The following PDE4B variants were observed in gnomAD, a reference collection of about 807,000 sequenced individuals.
The protein encoded by PDE4B is 3',5'-cyclic-AMP phosphodiesterase 4B.
In PDE4B, 20 loss-of-function variants were observed where a neutral mutation model predicts 82.2. The ratio of observed to expected loss-of-function variants is 0.24; its 90% CI spans 0.17 to 0.35. The LOEUF is 0.35. Among genes scored for constraint, PDE4B ranks in the 10% least tolerant of loss-of-function variants. PDE4B has a pLI of 1.00. For missense variants in PDE4B, 655 were observed against 907.2 expected (o/e 0.72, Z 3.57); for synonymous variants, 320 against 318.9 (o/e 1.00, Z -0.04).
At chr1:66,044,667 T>C (rs1426127941) in intron 3 of PDE4B, among the ~76,000 whole-genome samples, 10 of 151,834 alleles carry the variant, frequency 6.6e-5, no homozygotes, top group Admixed American at 1.3e-4. Flanking sequence ...TGTATTATAT[T>C]TCTTTTGTGC....
intron 3 of PDE4B, among the ~76,000 whole-genome samples, chr1:65,952,527 A>G (rs946426963): frequency 2.6e-5 from 4 of 151,972 alleles, no homozygotes; most frequent in African/African-American, 9.7e-5. Context: ...CTGAAAAAAT[A>G]CAAAAATTAG....
intron 3 of PDE4B, among the ~76,000 whole-genome samples, chr1:66,218,532 C>G (rs1377802879): frequency 6.6e-6 from 1 of 152,106 alleles, no homozygotes; most frequent in East Asian, 1.9e-4. Flanking sequence ...CCTTAATGAT[C>G]TCATTTCATT....
intron 3 of PDE4B, among the ~76,000 whole-genome samples, chr1:66,099,274 C>G (rs1645175382): frequency 6.6e-6 from 1 of 152,128 alleles, no homozygotes; most frequent in African/African-American, 2.4e-5. Flanking sequence ...CAGCTCCATC[C>G]ATGTTCCTAC....
intron 1 of PDE4B, among the ~76,000 whole-genome samples, chr1:65,892,212 T>A (rs745363588): frequency 1.1e-4 from 17 of 152,086 alleles, no homozygotes; most frequent in Non-Finnish European, 2.1e-4. Flanking sequence ...TGAGTTATCA[T>A]ACTTGCTTAA....
chr1:65,928,910 C>T (rs1374918023), intron 3 of PDE4B, among the ~76,000 whole-genome samples: 1 of 152,174 alleles, frequency 6.6e-6, no homozygotes, highest in East Asian at 1.9e-4. Flanking sequence ...AGCAGAGTTC[C>T]TATGTAGTGG....
chr1:66,358,102 T>C (rs1196342972), intron 9 of PDE4B, among the ~76,000 whole-genome samples: 1 of 152,220 alleles, frequency 6.6e-6, no homozygotes, highest in Non-Finnish European at 1.5e-5. Flanking sequence ...TAAAACCTTG[T>C]AGTCCAATTC....
At chr1:66,088,733 C>T (rs6588187) in intron 3 of PDE4B, among the ~76,000 whole-genome samples, 5,549 of 152,022 alleles carry the variant, frequency 0.037, 359 homozygotes, top group African/African-American at 0.13. Flanking sequence ...GGCTTTTTTT[C>T]TCTTCTCCCG....
chr1:66,201,233 C>T (rs1648910657), intron 3 of PDE4B, among the ~76,000 whole-genome samples: 1 of 152,172 alleles, frequency 6.6e-6, no homozygotes, highest in Non-Finnish European at 1.5e-5. Context: ...TGATGTGTTG[C>T]TGGATTCGGT....
intron 3 of PDE4B, among the ~76,000 whole-genome samples, chr1:66,235,929 G>T (rs979516189): frequency 6.6e-6 from 1 of 152,200 alleles, no homozygotes; most frequent in Non-Finnish European, 1.5e-5. Flanking sequence ...TACAGAAACA[G>T]CTTGATTAGC....
intron 8 of PDE4B, among the ~76,000 whole-genome samples, chr1:66,353,421 G>A (rs980197897): frequency 2.6e-5 from 4 of 152,196 alleles, no homozygotes; most frequent in African/African-American, 4.8e-5. Context: ...GCATGACTCC[G>A]GGCTTGGATG....
At chr1:66,000,569 T>C (rs146915309) in intron 3 of PDE4B, among the ~76,000 whole-genome samples, 14 of 152,312 alleles carry the variant, frequency 9.2e-5, no homozygotes, top group African/African-American at 3.1e-4. Context: ...TAGTAATTTG[T>C]TTGACATAAA....
intron 3 of PDE4B, among the ~76,000 whole-genome samples, chr1:66,183,198 A>G (rs181270505): frequency 1.1e-4 from 17 of 152,308 alleles, no homozygotes; most frequent in Admixed American, 5.9e-4. Context: ...ATAGACAATG[A>G]TAGGAACACA....
chr1:66,037,899 C>G (rs141449411), intron 3 of PDE4B, among the ~76,000 whole-genome samples: 2 of 152,206 alleles, frequency 1.3e-5, no homozygotes, highest in East Asian at 3.9e-4. Flanking sequence ...AAAGCTTCCT[C>G]TATTATCTTT....
At chr1:65,987,779 A>G (rs534571189) in intron 3 of PDE4B, among the ~76,000 whole-genome samples, 6 of 151,854 alleles carry the variant, frequency 4.0e-5, no homozygotes, top group African/African-American at 9.7e-5. Context: ...CGCCCAGCTA[A>G]TTTTTGTATT....
chr1:66,060,770 T>C (rs1381954066), intron 3 of PDE4B, among the ~76,000 whole-genome samples: 3 of 152,130 alleles, frequency 2.0e-5, no homozygotes, highest in African/African-American at 4.8e-5. Flanking sequence ...TTAAGTTAGT[T>C]ATTCCAATTG....
At chr1:65,843,216 G>T (rs1646228975) in intron 1 of PDE4B, among the ~76,000 whole-genome samples, 1 of 152,128 alleles carries the variant, frequency 6.6e-6, no homozygotes, top group Admixed American at 6.6e-5. Context: ...GAAGTTTCCA[G>T]AAAGAGTGAG....
chr1:66,144,991 T>C (rs544156751), intron 3 of PDE4B, among the ~76,000 whole-genome samples: 2 of 152,342 alleles, frequency 1.3e-5, no homozygotes, highest in South Asian at 2.1e-4. Context: ...TTTACAATAG[T>C]AGAATGGACT....
chr1:66,229,749 A>T (rs1400278994), intron 3 of PDE4B, among the ~76,000 whole-genome samples: 1 of 139,768 alleles, frequency 7.2e-6, no homozygotes. Flanking sequence ...TCGTGTGGCT[A>T]AAAAAAAAAC....
intron 3 of PDE4B, among the ~76,000 whole-genome samples, chr1:66,033,215 A>G (rs1431709573): frequency 2.0e-5 from 3 of 152,120 alleles, no homozygotes; most frequent in Admixed American, 2.0e-4. Context: ...TTCTATCCCT[A>G]GAAGTCACTT....
Sources: allele counts gnomAD v4.1 joint callset (sites outside exome capture counted in the v4.1 genomes callset), GRCh38; gene constraint gnomAD v4.1.1; transcripts MANE v1.5; gene names NCBI Gene and HGNC (gene_info 2026-07-23, HGNC 2026-07-21).